Variants in RSU1 observed in about 807,000 individuals in gnomAD.
RSU1 encodes Ras suppressor protein 1.
In RSU1, 26 loss-of-function variants were observed where a neutral mutation model predicts 31.1. That is an observed-to-expected ratio of 0.84 (90% CI 0.61 to 1.16). The LOEUF (loss-of-function observed/expected upper bound fraction) is 1.16. RSU1 is among the 50% of genes most tolerant of loss of function. RSU1 has a pLI of 0.00. For synonymous variants in RSU1, 164 were observed against 136.3 expected, an observed-to-expected ratio of 1.20 and a Z score of -1.41; for missense variants, 320 against 339.1, an observed-to-expected ratio of 0.94 and a Z score of 0.44.
At chr10:16,797,272 C>G (rs530557789) in intron 2 of RSU1, among the ~76,000 whole-genome samples, 1 of 152,228 alleles carries the variant, frequency 6.6e-6, no homozygotes, top group South Asian at 2.1e-4. Flanking sequence ...AAAAATAAAA[C>G]GCTTTTAAAA....
chr10:16,817,266 C>G (rs1838563869), intron 1 of RSU1, 49 bp downstream of exon 1: 4 of 527,746 alleles, frequency 7.6e-6, no homozygotes, highest in South Asian at 6.8e-5. Flanking sequence ...AGCCCCGCTG[C>G]GGCCACGCAG....
At chr10:16,756,556 C>G (rs909014176) in intron 4 of RSU1, among the ~76,000 whole-genome samples, 5 of 152,188 alleles carry the variant, frequency 3.3e-5, no homozygotes, top group African/African-American at 1.2e-4. Flanking sequence ...ACTTTCTTTT[C>G]CTTACGACTT....
At chr10:16,594,168 T>G (rs922542937) in intron 8 of RSU1, among the ~76,000 whole-genome samples, 51 of 152,200 alleles carry the variant, frequency 3.4e-4, no homozygotes, top group Admixed American at 3.3e-3. Flanking sequence ...CTAAAATAAA[T>G]ACAGCTCAAA....
intron 8 of RSU1, among the ~76,000 whole-genome samples, chr10:16,694,532 A>G (rs1012173073): frequency 2.6e-5 from 4 of 152,140 alleles, no homozygotes; most frequent in African/African-American, 9.7e-5. Flanking sequence ...TATCAATAAA[A>G]AACAATTTAC....
chr10:16,663,324 G>A (rs1387598374), intron 8 of RSU1, among the ~76,000 whole-genome samples: 2 of 152,166 alleles, frequency 1.3e-5, no homozygotes, highest in African/African-American at 2.4e-5. Context: ...CTTTCAGAGT[G>A]AAGAGAGGAG....
At chr10:16,810,610 G>T (rs1033530794) in intron 2 of RSU1, among the ~76,000 whole-genome samples, 5 of 152,136 alleles carry the variant, frequency 3.3e-5, no homozygotes, top group Admixed American at 3.3e-4. Context: ...TGGGTGTGCT[G>T]GTTTGACAAG....
chr10:16,653,834 T>C (rs745886757), intron 8 of RSU1, among the ~76,000 whole-genome samples: 2 of 151,870 alleles, frequency 1.3e-5, no homozygotes, highest in African/African-American at 2.4e-5. Context: ...AGAGGGGAGA[T>C]TGAATTATCA....
intron 7 of RSU1, among the ~76,000 whole-genome samples, chr10:16,710,026 A>G (rs1260652089): frequency 6.6e-6 from 1 of 152,056 alleles, no homozygotes; most frequent in African/African-American, 2.4e-5. Context: ...CTCTTCCCTA[A>G]TGGCTTAGGC....
At chr10:16,745,662 C>A (rs926489558) in intron 7 of RSU1, among the ~76,000 whole-genome samples, 1 of 152,160 alleles carries the variant, frequency 6.6e-6, no homozygotes, top group Non-Finnish European at 1.5e-5. Context: ...CATCTCCCAC[C>A]AGGTCCCTCC....
At chr10:16,755,918 G>A (rs761235582) in intron 4 of RSU1, among the ~76,000 whole-genome samples, 4 of 152,150 alleles carry the variant, frequency 2.6e-5, no homozygotes, top group Non-Finnish European at 4.4e-5. Context: ...TTTCTTAGCT[G>A]TTATTTTCCT....
In RSU1 at chr10:16,593,055, G is replaced by T. The variant is rs1040381225; in HGVS notation, c.*339C>A. 1.6e-5 allele frequency: 3 copies of T among 190,198 alleles called. No homozygotes were observed. The Admixed American group carries it at 1.7e-4, about 11-fold the overall frequency. 11.8% of individuals were successfully genotyped at this position (190,198 alleles called of 1,614,324 possible). A position where few individuals can be genotyped will look rare whatever the true frequency, so the allele number is the denominator to read the frequency against. ...AAGTGTTAACAGTGACATTTAAATG[G>T]TTACATGATTTTAATTATTCTTTTG... On this transcript the variant is annotated 3_prime_UTR_variant, in exon 9 of 9. Transcript: ENST00000345264.
chr10:16,726,441 G>GT (rs1446824047), intron 7 of RSU1, among the ~76,000 whole-genome samples: 46 of 151,538 alleles, frequency 3.0e-4, no homozygotes, highest in South Asian at 2.1e-4. Context: ...TAATTTTTGT[G>GT]TTTTTAGTAG....
At chr10:16,764,036 G>C (rs1837261089) in intron 4 of RSU1, among the ~76,000 whole-genome samples, 1 of 151,944 alleles carries the variant, frequency 6.6e-6, no homozygotes, top group Admixed American at 6.5e-5. Context: ...TTAACACAGA[G>C]AGGAAAAAGA....
At chr10:16,595,812 AG>A (rs1229542008) in intron 8 of RSU1, among the ~76,000 whole-genome samples, 1 of 152,086 alleles carries the variant, frequency 6.6e-6, no homozygotes, top group Admixed American at 6.6e-5. Context: ...ACTAAAAAAA[AG>A]AAAAAATTAG....
chr10:16,722,929 C>CACACATATACATATATGTATATAT (rs1836305080), intron 7 of RSU1, among the ~76,000 whole-genome samples: 4 of 147,276 alleles, frequency 2.7e-5, no homozygotes, highest in South Asian at 2.1e-4. Context: ...TGTATATATA[C>CACACATATACATATATGTATATAT]ACACATATAC....
intron 7 of RSU1, among the ~76,000 whole-genome samples, chr10:16,744,332 C>T (rs954754241): frequency 7.2e-5 from 11 of 152,000 alleles, no homozygotes; most frequent in African/African-American, 2.2e-4. Context: ...TGTAGGCACA[C>T]AACTGATATA....
At chr10:16,607,076 T>A (rs1336258486) in intron 8 of RSU1, among the ~76,000 whole-genome samples, 1 of 152,200 alleles carries the variant, frequency 6.6e-6, no homozygotes, top group Non-Finnish European at 1.5e-5. Context: ...CGGTTTCTCA[T>A]GAATGGTTCA....
chr10:16,751,119 G>A lies in RSU1; in HGVS notation c.598+1420C>T, dbSNP rs569536147. Among the ~76,000 whole-genome samples, 8 of 152,022 alleles carry A rather than the reference G, an allele frequency of 5.3e-5. No individual in the cohort carries two copies. The East Asian group carries it at 7.7e-4, about 15-fold the overall frequency. ...TGGGCTCAAGCTATCCGCCTGCTTC[G>A]GCCTCCCAAAGTGCTGGGATTACAA... On this transcript the variant is annotated intron_variant, in intron 7 of 8. Transcript: ENST00000345264.
At chr10:16,594,974 G>A (rs926465086) in intron 8 of RSU1, among the ~76,000 whole-genome samples, 1 of 151,860 alleles carries the variant, frequency 6.6e-6, no homozygotes, top group Admixed American at 6.6e-5. Flanking sequence ...AGTAGCAATG[G>A]GGTTTCACCA....
Sources: gnomAD v4.1 joint callset for allele counts (sites outside exome capture counted in the v4.1 genomes callset) on GRCh38, gnomAD v4.1.1 for gene constraint, MANE v1.5 for transcripts, NCBI Gene and HGNC (gene_info 2026-07-23, HGNC 2026-07-21) for gene names.